Variants in FNDC3B observed in about 807,000 individuals in gnomAD.
FNDC3B encodes fibronectin type III domain-containing protein 3B.
Under a neutral mutation model 151.5 loss-of-function variants are expected in FNDC3B, and 12 were observed. The ratio of observed to expected loss-of-function variants is 0.08; its 90% CI spans 0.05 to 0.13. The LOEUF is 0.13. Among genes scored for constraint, FNDC3B ranks in the 10% least tolerant of loss-of-function variants. The probability of loss-of-function intolerance (pLI) is 1.00; values close to 1 mark genes in which losing one functional copy is unlikely to be tolerated. For synonymous variants in FNDC3B, 528 were observed against 549.0 expected (o/e 0.96, Z 0.54); for missense variants, 1,214 against 1,505.3 (o/e 0.81, Z 3.20).
At chr3:172,284,011 G>GC (rs2108822358) in intron 6 of FNDC3B, among the ~76,000 whole-genome samples, 1 of 152,140 alleles carries the variant, frequency 6.6e-6, no homozygotes, top group African/African-American at 2.4e-5. Flanking sequence ...TAAACAGAAC[G>GC]CAACAGGAAA....
intron 10 of FNDC3B, among the ~76,000 whole-genome samples, chr3:172,309,380 T>G (rs910721835): frequency 6.6e-6 from 1 of 152,150 alleles, no homozygotes; most frequent in Non-Finnish European, 1.5e-5. Context: ...GTACCCACCC[T>G]CAAGGAATTA....
At chr3:172,298,379 G>T (rs1196017882) in intron 8 of FNDC3B, among the ~76,000 whole-genome samples, 1 of 152,172 alleles carries the variant, frequency 6.6e-6, no homozygotes, top group African/African-American at 2.4e-5. Flanking sequence ...AGTGCCTTCT[G>T]TTAACAGCTG....
intron 25 of FNDC3B, among the ~76,000 whole-genome samples, chr3:172,393,598 C>T (rs896760843): frequency 3.3e-5 from 5 of 152,178 alleles, no homozygotes; most frequent in African/African-American, 1.2e-4. Flanking sequence ...TAAGGCACAA[C>T]ACAAGCCTCA....
intron 1 of FNDC3B, among the ~76,000 whole-genome samples, chr3:172,105,837 T>C (rs1001417847): frequency 1.3e-5 from 2 of 151,374 alleles, no homozygotes; most frequent in African/African-American, 4.9e-5. Context: ...GTATTTTTAG[T>C]AGAGAAGGAA....
At chr3:172,194,684 C>T (rs1724736095) in intron 3 of FNDC3B, among the ~76,000 whole-genome samples, 1 of 152,206 alleles carries the variant, frequency 6.6e-6, no homozygotes, top group Admixed American at 6.5e-5. Context: ...AATATCTACT[C>T]ATCTAGTCCA....
intron 3 of FNDC3B, among the ~76,000 whole-genome samples, chr3:172,136,758 C>T (rs896465675): frequency 2.0e-5 from 3 of 152,100 alleles, no homozygotes; most frequent in African/African-American, 7.2e-5. Flanking sequence ...CTCACTCTGT[C>T]GCCCAGGCTG....
intron 7 of FNDC3B, among the ~76,000 whole-genome samples, chr3:172,288,408 A>G (rs1229768166): frequency 6.6e-6 from 1 of 152,228 alleles, no homozygotes; most frequent in East Asian, 1.9e-4. Flanking sequence ...ATCCTGTCTC[A>G]TTACCCTCCT....
Position 172,205,209 on chromosome 3 carries a change from C to G in FNDC3B, c.188-21662C>G, listed in dbSNP as rs185581405. Among the ~76,000 whole-genome samples, 7 of 152,280 alleles carry G rather than the reference C, an allele frequency of 4.6e-5. 1 individual carries two copies. Among genetic ancestry groups the G allele is most frequent in the African/African-American group, 1.7e-4 (7 of 41,556 alleles). On this transcript the variant is annotated intron_variant, in intron 3 of 25. Transcript: ENST00000415807. ...GCTACAGTATTTACCATTTGGTTGT[C>G]TGGGTATTCTTATCCAGGACTAACT...
chr3:172,216,403 G>A (rs371583279), intron 3 of FNDC3B, among the ~76,000 whole-genome samples: 1 of 152,082 alleles, frequency 6.6e-6, no homozygotes, highest in African/African-American at 2.4e-5. Context: ...ACAGTAACTC[G>A]CACCTGTAAT....
intron 3 of FNDC3B, among the ~76,000 whole-genome samples, chr3:172,187,653 G>GT (rs746597426): frequency 3.9e-5 from 6 of 152,276 alleles, no homozygotes; most frequent in East Asian, 1.9e-4. Context: ...TCTTTGTATT[G>GT]TTTTTTCCCC....
intron 3 of FNDC3B, among the ~76,000 whole-genome samples, chr3:172,196,113 C>T (rs62281762): frequency 0.12 from 18,831 of 152,164 alleles, 1,244 homozygotes; most frequent in South Asian, 0.22. Flanking sequence ...TGAAGCCACC[C>T]ACACTAAAGC....
At chr3:172,218,796 G>A (rs1328511887) in intron 3 of FNDC3B, among the ~76,000 whole-genome samples, 2 of 152,176 alleles carry the variant, frequency 1.3e-5, no homozygotes, top group African/African-American at 2.4e-5. Flanking sequence ...TTCCTGCCCT[G>A]TTTCCTCTCT....
intron 15 of FNDC3B, chr3:172,335,291 A>G: frequency 2.4e-6 from 1 of 422,314 alleles, no homozygotes; most frequent in Non-Finnish European, 4.1e-6. Flanking sequence ...CGTAATGGAC[A>G]ATTAAATTTT....
chr3:172,133,753 G>T (rs1336229805), intron 3 of FNDC3B: 1 of 586,472 alleles, frequency 1.7e-6, no homozygotes, highest in African/African-American at 1.9e-5. Context: ...TCTGTATTGG[G>T]TATCTGTTGG....
At chr3:172,209,590 C>A (rs571014887) in intron 3 of FNDC3B, among the ~76,000 whole-genome samples, 1 of 152,092 alleles carries the variant, frequency 6.6e-6, no homozygotes, top group Non-Finnish European at 1.5e-5. Flanking sequence ...CGGCCACAGG[C>A]GGGCCTGGAA....
chr3:172,051,086 T>C (rs1024046248), intron 1 of FNDC3B, among the ~76,000 whole-genome samples: 20 of 149,850 alleles, frequency 1.3e-4, no homozygotes, highest in African/African-American at 2.7e-4. Flanking sequence ...CTTTCTTCTT[T>C]TTTTTTTTTT....
At chr3:172,125,392 G>A (rs6798930) in intron 2 of FNDC3B, among the ~76,000 whole-genome samples, 98,575 of 151,862 alleles carry the variant, frequency 0.65, 32,471 homozygotes, top group East Asian at 0.75. Context: ...GAGATTGGCA[G>A]TAGGAGGGCT....
chr3:172,294,786 G>A (rs1196358976), intron 7 of FNDC3B, among the ~76,000 whole-genome samples: 6 of 152,096 alleles, frequency 3.9e-5, no homozygotes, highest in South Asian at 4.1e-4. Flanking sequence ...CAGAGTCTTC[G>A]GTTCAAATGA....
At chr3:172,375,654 A>G (rs1228579011) in intron 23 of FNDC3B, among the ~76,000 whole-genome samples, 1 of 152,228 alleles carries the variant, frequency 6.6e-6, no homozygotes, top group Non-Finnish European at 1.5e-5. Flanking sequence ...CAGGCCAGTC[A>G]AAGCAGTGAT....
Sources: allele counts gnomAD v4.1 joint callset (sites outside exome capture counted in the v4.1 genomes callset), GRCh38; gene constraint gnomAD v4.1.1; transcripts MANE v1.5; gene names NCBI Gene and HGNC (gene_info 2026-07-23, HGNC 2026-07-21).